The following RBFOX1 variants were observed in gnomAD, a reference collection of about 807,000 sequenced individuals.
The protein encoded by RBFOX1 is RNA binding protein fox-1 homolog 1.
RBFOX1 carries 8 observed loss-of-function variants against 57.7 expected under a neutral mutation model. The ratio of observed to expected loss-of-function variants is 0.14; its 90% CI spans 0.08 to 0.25. The LOEUF (loss-of-function observed/expected upper bound fraction) is 0.25, where lower values mean the gene tolerates loss of function less well. Among genes scored for constraint, RBFOX1 ranks in the 10% least tolerant of loss-of-function variants. The pLI is 1.00. For missense variants in RBFOX1, 611 were observed against 548.5 expected (o/e 1.11, Z -1.14); for synonymous variants, 326 against 222.4 (o/e 1.47, Z -4.15).
chr16:6,895,813 G>T (rs146951054), intron 3 of RBFOX1, among the ~76,000 whole-genome samples: 22 of 152,142 alleles, frequency 1.4e-4, no homozygotes, highest in Admixed American at 1.4e-3. Flanking sequence ...TGAGACTTGA[G>T]CAATTTGTTT....
chr16:7,312,946 C>G (rs1429381558), intron 4 of RBFOX1, among the ~76,000 whole-genome samples: 2 of 151,998 alleles, frequency 1.3e-5, no homozygotes, highest in African/African-American at 2.4e-5. Context: ...GTGCTTGGCA[C>G]TGATGTCTGG....
At chr16:5,368,359 T>A (rs1457572087) in intron 1 of RBFOX1, among the ~76,000 whole-genome samples, 1 of 152,220 alleles carries the variant, frequency 6.6e-6, no homozygotes, top group Admixed American at 6.5e-5. Context: ...TTAATGTTGA[T>A]GAGAATTGCT....
intron 4 of RBFOX1, among the ~76,000 whole-genome samples, chr16:7,370,776 T>C (rs750911213): frequency 4.6e-5 from 7 of 152,256 alleles, no homozygotes; most frequent in Non-Finnish European, 8.8e-5. Context: ...TGAACATTCA[T>C]GCATATTTGA....
rs1288989039 is a variant in RBFOX1 at position 6,020,003 on chromosome 16, G to A, written c.-127+11G>A. ...CGCCGGGAGTTCTAGGTAAGTCCAG[G>A]CGGAGTCATTGCCTCTGCACCCACC... On this transcript the variant is annotated intron_variant, in intron 1 of 15. Coordinates refer to ENST00000550418, the MANE Select transcript of RBFOX1 (RefSeq NM_018723.4). 2.6e-5 allele frequency: 40 copies of A among 1,515,746 alleles called. No homozygotes were observed. Among genetic ancestry groups the A allele is most frequent in the Admixed American group, 6.0e-5 (3 of 50,012 alleles). 93.9% of individuals were successfully genotyped at this position (1,515,746 alleles called of 1,614,324 possible).
chr16:5,866,548 G>C (rs2057347076), intron 3 of RBFOX1, among the ~76,000 whole-genome samples: 1 of 152,198 alleles, frequency 6.6e-6, no homozygotes, highest in African/African-American at 2.4e-5. Flanking sequence ...CTAGATAGGA[G>C]ACCCTTTCTA....
intron 2 of RBFOX1, among the ~76,000 whole-genome samples, chr16:5,598,217 C>G (rs944917361): frequency 1.4e-5 from 2 of 142,754 alleles, no homozygotes; most frequent in Non-Finnish European, 3.0e-5. Flanking sequence ...GAGGGAGACT[C>G]TGTCTCAAAA....
At chr16:6,705,369 C>T (rs568316520) in intron 3 of RBFOX1, 131 of 152,330 alleles carry the variant, frequency 8.6e-4, no homozygotes, top group Admixed American at 2.2e-3. Flanking sequence ...CAGAATGAAT[C>T]ATGTTTAGCT....
intron 1 of RBFOX1, among the ~76,000 whole-genome samples, chr16:5,402,948 T>C (rs1306011745): frequency 6.6e-6 from 1 of 152,194 alleles, no homozygotes; most frequent in African/African-American, 2.4e-5. Context: ...TTTATCAACC[T>C]TTTGGAATTC....
chr16:6,987,192 G>A (rs1386965739), intron 3 of RBFOX1, among the ~76,000 whole-genome samples: 1 of 152,084 alleles, frequency 6.6e-6, no homozygotes, highest in African/African-American at 2.4e-5. Context: ...GTTTTGCCAA[G>A]TCTTGATTAC....
At chr16:5,768,613 C>T (rs989374684) in intron 3 of RBFOX1, among the ~76,000 whole-genome samples, 26 of 152,144 alleles carry the variant, frequency 1.7e-4, no homozygotes, top group African/African-American at 6.0e-4. Context: ...GGCTGAAACT[C>T]TGCATCATAG....
chr16:6,293,044 C>A (rs751741957), intron 1 of RBFOX1, among the ~76,000 whole-genome samples: 3 of 152,120 alleles, frequency 2.0e-5, no homozygotes, highest in African/African-American at 7.2e-5. Context: ...ATGTCTACCC[C>A]CTTTAGCTCC....
chr16:5,559,165 C>CAAAAA (rs35531242), intron 2 of RBFOX1, among the ~76,000 whole-genome samples: 56 of 65,292 alleles, frequency 8.6e-4, no homozygotes, highest in Admixed American at 1.0e-3. Flanking sequence ...CCCCCCCAGG[C>CAAAAA]AAAAAAAAAA....
At chr16:6,267,854 AG>A (rs2074717432) in intron 1 of RBFOX1, among the ~76,000 whole-genome samples, 1 of 152,154 alleles carries the variant, frequency 6.6e-6, no homozygotes, top group Non-Finnish European at 1.5e-5. Context: ...TAGCCTGCAA[AG>A]AACAGTGAGC....
chr16:6,533,384 A>G (rs2096687397), intron 2 of RBFOX1, among the ~76,000 whole-genome samples: 1 of 152,192 alleles, frequency 6.6e-6, no homozygotes, highest in African/African-American at 2.4e-5. Flanking sequence ...ATCCCTGGGT[A>G]GAAACTCCCT....
intron 1 of RBFOX1, among the ~76,000 whole-genome samples, chr16:5,418,655 C>T (rs575829237): frequency 1.2e-3 from 179 of 152,168 alleles, no homozygotes; most frequent in African/African-American, 4.2e-3. Flanking sequence ...TGTCCTCGCT[C>T]CTCTCTCCCT....
At chr16:7,214,952 A>G (rs1401589227) in intron 4 of RBFOX1, among the ~76,000 whole-genome samples, 1 of 152,088 alleles carries the variant, frequency 6.6e-6, no homozygotes, top group Non-Finnish European at 1.5e-5. Context: ...GGTTTGTTAC[A>G]TAGGTGTCCA....
intron 3 of RBFOX1, among the ~76,000 whole-genome samples, chr16:5,726,520 C>G (rs1451285102): frequency 6.6e-6 from 1 of 152,184 alleles, no homozygotes; most frequent in East Asian, 1.9e-4. Flanking sequence ...CTGGGCCAGC[C>G]CCATGCCGTG....
chr16:7,140,426 A>G (rs971990212), intron 4 of RBFOX1, among the ~76,000 whole-genome samples: 1 of 151,842 alleles, frequency 6.6e-6, no homozygotes, highest in Non-Finnish European at 1.5e-5. Context: ...TTTCATGGCT[A>G]TATTGTCTAA....
intron 2 of RBFOX1, among the ~76,000 whole-genome samples, chr16:6,339,667 T>TTATTA (rs957639452): frequency 6.6e-6 from 1 of 151,490 alleles, no homozygotes; most frequent in Non-Finnish European, 1.5e-5. Context: ...TTATTTTATT[T>TTATTA]TATTTTATTT....
Sources: gnomAD v4.1 joint callset for allele counts (sites outside exome capture counted in the v4.1 genomes callset) on GRCh38, gnomAD v4.1.1 for gene constraint, MANE v1.5 for transcripts, NCBI Gene and HGNC (gene_info 2026-07-23, HGNC 2026-07-21) for gene names.